RNASEL: variants seen among roughly 807,000 people sequenced by gnomAD.
The protein encoded by RNASEL is 2-5A-dependent ribonuclease.
Under a neutral mutation model 50.9 loss-of-function variants are expected in RNASEL, and 36 were observed. That is an observed-to-expected ratio of 0.71 (90% CI 0.54 to 0.93). RNASEL has a LOEUF of 0.93. Ranked by LOEUF, RNASEL falls within the 40% of genes least tolerant of loss-of-function variation. The pLI, the probability that RNASEL is intolerant of heterozygous loss-of-function variation, is 0.00. For missense variants in RNASEL, 860 were observed against 894.5 expected, an observed-to-expected ratio of 0.96 and a Z score of 0.49; for synonymous variants, 335 against 335.6, an observed-to-expected ratio of 1.00 and a Z score of 0.02.
chr1:182,579,100 G>C, intron 5 of RNASEL: 1 of 273,936 alleles, frequency 3.7e-6, no homozygotes, highest in South Asian at 1.4e-4. Context: ...GAGGGAGAGG[G>C]ATGAGAAATT....
chr1:182,584,404 G>A (rs967924173), intron 2 of RNASEL, among the ~76,000 whole-genome samples: 1 of 152,104 alleles, frequency 6.6e-6, no homozygotes, highest in African/African-American at 2.4e-5. Flanking sequence ...TCCAGGCCAG[G>A]GGGTAGGAAG....
intron 5 of RNASEL, chr1:182,580,022 T>C (rs751833156): frequency 4.2e-5 from 19 of 455,770 alleles, no homozygotes; most frequent in South Asian, 1.6e-4. Context: ...AAAATATAGA[T>C]GATTGTCTCA....
chr1:182,578,894 T>TA (rs1328325875), intron 5 of RNASEL: 9 of 152,178 alleles, frequency 5.9e-5, no homozygotes, highest in African/African-American at 1.9e-4. Context: ...ATTTCAGCCA[T>TA]AAAAAAGAAG....
chr1:182,581,997 C>T (rs1457271820), intron 4 of RNASEL, 56 bp downstream of exon 4: 15 of 1,512,830 alleles, frequency 9.9e-6, no homozygotes, highest in African/African-American at 1.4e-5. Context: ...TCTGTCTGCA[C>T]CACCTTACCC....
At chr1:182,581,628 C>T (rs1279151302) in intron 4 of RNASEL, among the ~76,000 whole-genome samples, 1 of 151,578 alleles carries the variant, frequency 6.6e-6, no homozygotes, top group Non-Finnish European at 1.5e-5. Context: ...ATTACAGGCA[C>T]CTGCCACCAC....
At position 182,589,252 on chromosome 1, in the gene RNASEL, G is replaced by A. The variant is rs921081911; in HGVS notation, c.-250C>T. On this transcript the variant is annotated 5_prime_UTR_variant, in exon 1 of 7. Coordinates refer to ENST00000367559, the MANE Select transcript of RNASEL (RefSeq NM_021133.4). ...GCAGCCCGAGCAGTTTCCTCCTGCT[G>A]CGTCACTGAGTCAGCAGGGCGGAGC... is the stretch of plus-strand genomic sequence containing the variant. 6.6e-6 allele frequency: 1 copy of A among 152,292 alleles called. No individual in the cohort carries two copies. The highest frequency in any genetic ancestry group is 2.1e-4 in the South Asian group (1 of 4,840). The allele number at this position is 152,292 out of a possible 1,614,324, so 9.4% of individuals were successfully genotyped here.
At chr1:182,575,693 A>C (rs1195442501) in intron 6 of RNASEL, 115 bp from the exon 7 acceptor site, 68 of 1,362,278 alleles carry the variant, frequency 5.0e-5, no homozygotes, top group Non-Finnish European at 5.1e-6. Flanking sequence ...AGAATGAATA[A>C]GGACTTTGGA....
intron 4 of RNASEL, 88 bp from the exon 5 acceptor site, chr1:182,581,445 G>GT: frequency 6.1e-6 from 4 of 652,268 alleles, no homozygotes; most frequent in Non-Finnish European, 7.1e-6. Flanking sequence ...AGATTTTGGT[G>GT]TTTTTTGTGC....
At chr1:182,579,813 G>C (rs1045703610) in intron 5 of RNASEL, 4 of 941,160 alleles carry the variant, frequency 4.3e-6, no homozygotes, top group South Asian at 2.7e-5. Flanking sequence ...TGAGTAATTT[G>C]AGTGTGGTCT....
At chr1:182,581,383 G>A in intron 4 of RNASEL, 26 bp from the exon 5 acceptor site, 1 of 1,600,846 alleles carries the variant, frequency 6.2e-7, no homozygotes, top group Non-Finnish European at 8.5e-7. Flanking sequence ...TGATCTAAAT[G>A]ATCATGATCA....
chr1:182,575,318 G>T lies in RNASEL; in HGVS notation c.*74C>A. On this transcript the variant is annotated 3_prime_UTR_variant, in exon 7 of 7. Coordinates refer to ENST00000367559, the MANE Select transcript of RNASEL (RefSeq NM_021133.4). ...TCACAAGCAACCTGGTGAGTTAAAA[G>T]GCCCAGAATGTTGTGATTTGCCAAG... The T allele has an allele frequency of 1.3e-6, 2 of 1,489,884 alleles. No homozygotes were observed. Among genetic ancestry groups the T allele is most frequent in the Non-Finnish European group, 9.4e-7 (1 of 1,068,560 alleles). 92.3% of individuals were successfully genotyped at this position (1,489,884 alleles called of 1,614,324 possible).
In RNASEL at chr1:182,576,294, CCG is replaced by C. The variant is rs1661376942; in HGVS notation, c.1999_2000del (p.Arg667GlufsTer7). On this transcript the variant is annotated frameshift_variant, in exon 6 of 7. Coordinates refer to ENST00000367559, the MANE Select transcript of RNASEL (RefSeq NM_021133.4). LOFTEE classifies it low-confidence loss of function (END_TRUNC). The stretch of plus-strand genomic sequence containing the variant: ...CTTCATCAATGTGTTCTCCCAAATT[CCG>C]GATGAACTTTAGCAGATCACCCACA... Reference protein sequence around the residue: ...NTVGDLLKFIRNLGEHIDEEK... With the variant: ...NTVGDLLKFIXNLGEHIDEEK... 1 of 1,612,422 alleles carries C rather than the reference CCG, an allele frequency of 6.2e-7. No individual in the cohort carries two copies. The highest frequency in any genetic ancestry group is 2.2e-5 in the East Asian group (1 of 44,776).
At chr1:182,578,549 G>A (rs1285795546) in intron 5 of RNASEL, 1 of 152,162 alleles carries the variant, frequency 6.6e-6, no homozygotes, top group Admixed American at 6.5e-5. Context: ...TGCTTCACAG[G>A]CTGAAGCAAT....
In RNASEL at chr1:182,585,940, G is replaced by T. The variant is rs745998072; in HGVS notation, c.867C>A (p.Ala289=). The change falls in exon 2 of 7, where the codon GCC becomes GCA. Residue 289 remains alanine, a synonymous_variant. Transcript: ENST00000367559. ...TGGCTCCACGTTTGCACAGCAACTC[G>T]GCGATTTTCTTCAGTTTGAGTTCAA... ...LAVELKLKKI[A]ELLCKRGAST... The T allele has an allele frequency of 6.8e-6, 11 of 1,613,986 alleles. 1 individual carries two copies. In the Middle Eastern group the frequency reaches 6.6e-4, roughly 96 times the overall value.
intron 5 of RNASEL, chr1:182,576,741 C>CG (rs1661390278): frequency 5.0e-6 from 1 of 198,318 alleles, no homozygotes; most frequent in Non-Finnish European, 1.0e-5. Context: ...GGCGTGGTGG[C>CG]GCTGCCTGTA....
intron 2 of RNASEL, among the ~76,000 whole-genome samples, chr1:182,584,401 CA>C (rs1661554219): frequency 6.6e-6 from 1 of 152,016 alleles, no homozygotes; most frequent in African/African-American, 2.4e-5. Flanking sequence ...TTTTCCAGGC[CA>C]GGGGGTAGGA....
At chr1:182,587,736 T>C (rs1327658032) in intron 1 of RNASEL, among the ~76,000 whole-genome samples, 8 of 152,218 alleles carry the variant, frequency 5.3e-5, no homozygotes, top group Admixed American at 2.6e-4. Context: ...GCATTTCTTA[T>C]GTCACCAGGA....
chr1:182,587,827 C>G (rs368177210), intron 1 of RNASEL, among the ~76,000 whole-genome samples: 1 of 152,156 alleles, frequency 6.6e-6, no homozygotes, highest in Non-Finnish European at 1.5e-5. Context: ...CAGACAATAT[C>G]TGACTTATGT....
chr1:182,577,043 A>G (rs374677253), intron 5 of RNASEL: 2 of 141,252 alleles, frequency 1.4e-5, no homozygotes, highest in Admixed American at 1.4e-4. Flanking sequence ...TGCCCAGCTA[A>G]TTTTTTTTTT....
Sources: allele counts gnomAD v4.1 joint callset (sites outside exome capture counted in the v4.1 genomes callset), GRCh38; gene constraint gnomAD v4.1.1; transcripts MANE v1.5; gene names NCBI Gene and HGNC (gene_info 2026-07-23, HGNC 2026-07-21).